The following FARS2 variants were observed in gnomAD, a reference collection of about 807,000 sequenced individuals.
FARS2 encodes the protein phenylalanine--tRNA ligase, mitochondrial.
FARS2 carries 40 observed loss-of-function variants against 46.4 expected under a neutral mutation model. The observed-to-expected ratio is 0.86, with a 90% CI of 0.67 to 1.12. The LOEUF (loss-of-function observed/expected upper bound fraction) is 1.12. FARS2 is among the 50% of genes most tolerant of loss of function. The pLI is 0.00. For synonymous variants in FARS2, 234 were observed against 214.9 expected, an observed-to-expected ratio of 1.09 and a Z score of -0.78; for missense variants, 513 against 567.9, an observed-to-expected ratio of 0.90 and a Z score of 0.98.
intron 6 of FARS2, among the ~76,000 whole-genome samples, chr6:5,659,878 G>T (rs1243742268): frequency 1.3e-5 from 2 of 152,216 alleles, no homozygotes; most frequent in African/African-American, 4.8e-5. Flanking sequence ...GGTATTTCAT[G>T]TGTTAGTTAT....
chr6:5,736,904 A>G (rs1177478180), intron 6 of FARS2, among the ~76,000 whole-genome samples: 2 of 152,048 alleles, frequency 1.3e-5, no homozygotes, highest in African/African-American at 4.8e-5. Context: ...ATCCCATCTC[A>G]CTCATCTCTC....
intron 6 of FARS2, among the ~76,000 whole-genome samples, chr6:5,614,195 C>T (rs945630998): frequency 5.9e-5 from 9 of 152,130 alleles, no homozygotes; most frequent in African/African-American, 1.7e-4. Context: ...AGATAAGTGA[C>T]GTGATTTGAT....
intron 1 of FARS2, among the ~76,000 whole-genome samples, chr6:5,345,692 A>G (rs76598579): frequency 0.035 from 5,318 of 152,300 alleles, 283 homozygotes; most frequent in African/African-American, 0.12. Flanking sequence ...GTGGCACAGG[A>G]AAGTGGCTTG....
At chr6:5,369,693 G>A (rs986145464) in intron 2 of FARS2, among the ~76,000 whole-genome samples, 3 of 152,118 alleles carry the variant, frequency 2.0e-5, no homozygotes, top group Non-Finnish European at 4.4e-5. Context: ...ACCCTCCCTG[G>A]CTTTGCATGT....
intron 5 of FARS2, among the ~76,000 whole-genome samples, chr6:5,553,645 C>G (rs1771494601): frequency 6.6e-6 from 1 of 152,008 alleles, no homozygotes; most frequent in Non-Finnish European, 1.5e-5. Context: ...CAGAAAAATA[C>G]AGCATGAAGT....
chr6:5,438,257 C>CCCT (rs1269588587), intron 4 of FARS2, among the ~76,000 whole-genome samples: 1 of 78,638 alleles, frequency 1.3e-5, no homozygotes, highest in African/African-American at 5.0e-5. Flanking sequence ...CCCCCCCCCC[C>CCCT]ATTTTTGTTT....
At chr6:5,259,018 T>C (rs187723238), upstream of FARS2, among the ~76,000 whole-genome samples, 17 of 152,356 alleles carry the variant, frequency 1.1e-4, no homozygotes, top group Non-Finnish European at 2.2e-4. Context: ...TCCTTAGAGA[T>C]TGTCTAGTCC....
At chr6:5,346,431 C>T (rs1357214037) in intron 1 of FARS2, among the ~76,000 whole-genome samples, 2 of 152,198 alleles carry the variant, frequency 1.3e-5, no homozygotes, top group East Asian at 3.8e-4. Context: ...GTGGTTTCCT[C>T]AGGGACTGAG....
chr6:5,509,274 C>A (rs916905741), intron 4 of FARS2, among the ~76,000 whole-genome samples: 2 of 152,248 alleles, frequency 1.3e-5, no homozygotes, highest in African/African-American at 4.8e-5. Context: ...GGTTCTCCTG[C>A]CCAGCATTCC....
chr6:5,438,794 G>A (rs1763679178), intron 4 of FARS2, among the ~76,000 whole-genome samples: 1 of 152,126 alleles, frequency 6.6e-6, no homozygotes, highest in African/African-American at 2.4e-5. Flanking sequence ...CTCTTAATGG[G>A]CATCATGTCC....
At chr6:5,394,776 T>A (rs2503817) in intron 2 of FARS2, among the ~76,000 whole-genome samples, 51,453 of 150,448 alleles carry the variant, frequency 0.34, 9,534 homozygotes, top group African/African-American at 0.49. Flanking sequence ...TGTTTTTTTT[T>A]AAAAAAAAAG....
At chr6:5,370,488 G>A (rs1238812708) in intron 2 of FARS2, among the ~76,000 whole-genome samples, 1 of 152,114 alleles carries the variant, frequency 6.6e-6, no homozygotes, top group Non-Finnish European at 1.5e-5. Context: ...CAAAATCTGG[G>A]AAATATGACC....
Position 5,276,381 on chromosome 6 carries a change from A to G in FARS2, c.-22+14721A>G, listed in dbSNP as rs1766335939. Among the ~76,000 whole-genome samples, 3 of 152,312 alleles carry G rather than the reference A, an allele frequency of 2.0e-5. No homozygotes were observed. In the South Asian group the frequency reaches 6.2e-4, roughly 32 times the overall value. ...AATTACTTAACATTTAGATAATCAC[A>G]TAATTTATTTCCTACATCAGGACAC... On this transcript the variant is annotated intron_variant, in intron 1 of 6. Coordinates refer to ENST00000274680, the MANE Select transcript of FARS2 (RefSeq NM_006567.5).
At chr6:5,637,607 C>T (rs548680179) in intron 6 of FARS2, among the ~76,000 whole-genome samples, 1 of 152,190 alleles carries the variant, frequency 6.6e-6, no homozygotes, top group Admixed American at 6.5e-5. Flanking sequence ...TCATAAAAAC[C>T]CAACTTGAAG....
At chr6:5,529,736 T>C (rs1164627428) in intron 4 of FARS2, among the ~76,000 whole-genome samples, 1 of 152,246 alleles carries the variant, frequency 6.6e-6, no homozygotes, top group Admixed American at 6.5e-5. Flanking sequence ...AGTCTTTCTC[T>C]GCCTCTTGAA....
intron 1 of FARS2, among the ~76,000 whole-genome samples, chr6:5,285,025 G>A (rs1767007835): frequency 6.6e-6 from 1 of 152,224 alleles, no homozygotes; most frequent in African/African-American, 2.4e-5. Flanking sequence ...CCTGGCTCCA[G>A]CATGTGTGGA....
At chr6:5,468,128 A>G (rs1765613813) in intron 4 of FARS2, among the ~76,000 whole-genome samples, 1 of 152,210 alleles carries the variant, frequency 6.6e-6, no homozygotes, top group Admixed American at 6.5e-5. Context: ...TTATGGTGAC[A>G]TGTTATATAC....
At position 5,368,471 on chromosome 6, in the gene FARS2, C is replaced by T. The variant is rs1758819249; in HGVS notation, c.-21-79C>T. 7 of 1,260,612 alleles carry T rather than the reference C, an allele frequency of 5.6e-6. No individual in the cohort carries two copies. In the African/African-American group the frequency reaches 6.0e-5, roughly 11 times the overall value. 78.1% of individuals were successfully genotyped at this position (1,260,612 alleles called of 1,614,324 possible). A position where few individuals can be genotyped will look rare whatever the true frequency, so the allele number is the denominator to read the frequency against. On this transcript the variant is annotated intron_variant, in intron 1 of 6. Transcript: ENST00000274680. The stretch of plus-strand genomic sequence containing the variant: ...AACATGCCAGTAGGACAAGAGGGAG[C>T]TGGTGGGAGATGCAAAGAACACACT...
At chr6:5,322,127 A>T (rs1028755192) in intron 1 of FARS2, among the ~76,000 whole-genome samples, 1 of 152,238 alleles carries the variant, frequency 6.6e-6, no homozygotes, top group Non-Finnish European at 1.5e-5. Flanking sequence ...CAATGTGATG[A>T]GGCAGGCAAG....
Sources: allele counts gnomAD v4.1 joint callset (sites outside exome capture counted in the v4.1 genomes callset), GRCh38; gene constraint gnomAD v4.1.1; transcripts MANE v1.5; gene names NCBI Gene and HGNC (gene_info 2026-07-23, HGNC 2026-07-21).